Variants in STX8 observed in about 807,000 individuals in gnomAD.
The protein encoded by STX8 is syntaxin-8.
STX8 carries 23 observed loss-of-function variants against 37.5 expected under a neutral mutation model. The observed-to-expected ratio is 0.61, with a 90% confidence interval of 0.44 to 0.87. STX8 has a LOEUF of 0.87. Among genes scored for constraint, STX8 ranks in the 40% least tolerant of loss-of-function variants. The pLI, the probability that STX8 is intolerant of heterozygous loss-of-function variation, is 0.00. For synonymous variants in STX8, 115 were observed against 99.1 expected (o/e 1.16, Z -0.95); for missense variants, 313 against 284.7 (o/e 1.10, Z -0.71).
chr17:9,278,865 A>G (rs1005181547), intron 7 of STX8, among the ~76,000 whole-genome samples: 7 of 152,156 alleles, frequency 4.6e-5, no homozygotes, highest in Non-Finnish European at 4.4e-5. Flanking sequence ...CTAAAGGGGC[A>G]CTGGAAGGGA....
At chr17:9,559,345 A>G (rs534803973) in intron 2 of STX8, among the ~76,000 whole-genome samples, 1 of 152,286 alleles carries the variant, frequency 6.6e-6, no homozygotes, top group South Asian at 2.1e-4. Context: ...AATATTAGCA[A>G]AGCAAATTCA....
chr17:9,496,926 G>A (rs1374873722), intron 5 of STX8, among the ~76,000 whole-genome samples: 1 of 152,150 alleles, frequency 6.6e-6, no homozygotes, highest in African/African-American at 2.4e-5. Flanking sequence ...GAGCCCTGTG[G>A]GACCTGCATT....
intron 7 of STX8, among the ~76,000 whole-genome samples, chr17:9,258,709 C>T (rs975603452): frequency 4.6e-5 from 7 of 152,216 alleles, no homozygotes; most frequent in African/African-American, 1.7e-4. Context: ...TTGTTCTTAG[C>T]CTGGCATCCA....
intron 6 of STX8, among the ~76,000 whole-genome samples, chr17:9,456,361 G>C (rs2142411046): frequency 6.6e-6 from 1 of 152,266 alleles, no homozygotes; most frequent in Non-Finnish European, 1.5e-5. Context: ...TGAAGAAAAG[G>C]CATGGAAACC....
chr17:9,265,717 CAGGCACTGTTCT>C (rs1466481760), intron 7 of STX8, among the ~76,000 whole-genome samples: 1 of 152,192 alleles, frequency 6.6e-6, no homozygotes, highest in East Asian at 1.9e-4. Flanking sequence ...GAGCACCTGC[CAGGCACTGTTCT>C]AGGCACTGGG....
At chr17:9,466,660 C>T (rs966854836) in intron 6 of STX8, among the ~76,000 whole-genome samples, 1 of 152,100 alleles carries the variant, frequency 6.6e-6, no homozygotes, top group East Asian at 1.9e-4. Flanking sequence ...AATTCATTTC[C>T]AATATCAAAA....
chr17:9,373,004 T>C (rs991281053), intron 7 of STX8, among the ~76,000 whole-genome samples: 1 of 150,194 alleles, frequency 6.7e-6, no homozygotes, highest in Non-Finnish European at 1.5e-5. Context: ...CTCAGGAGGC[T>C]GAGGCAGGAG....
At chr17:9,371,469 T>C (rs1180889449) in intron 7 of STX8, among the ~76,000 whole-genome samples, 1 of 152,200 alleles carries the variant, frequency 6.6e-6, no homozygotes, top group Non-Finnish European at 1.5e-5. Flanking sequence ...AAACAGCCAA[T>C]GTGGCTTTGC....
intron 7 of STX8, among the ~76,000 whole-genome samples, chr17:9,285,840 T>G (rs1404279673): frequency 6.6e-6 from 1 of 152,224 alleles, no homozygotes; most frequent in African/African-American, 2.4e-5. Context: ...GCTAAGGCAC[T>G]TGTGCTTAGA....
rs34911369 is a variant in STX8, at chr17:9,493,097, CAA to C, written c.449-1178_449-1177del. 3.1e-3 allele frequency among the ~76,000 whole-genome samples: 349 copies of C among 110,988 alleles called. 1 individual carries two copies. The highest frequency in any genetic ancestry group is 9.8e-3 in the African/African-American group (307 of 31,300). 72.8% of individuals were successfully genotyped at this position (110,988 alleles called of 152,430 possible). On this transcript the variant is annotated intron_variant, in intron 5 of 7. Transcript: ENST00000306357. ...TGGGTGACAGAGTGAGACTCCGTCT[CAA>C]AAAAAAAAAAAAAATTAGCTAGGCA...
At chr17:9,523,891 A>T (rs770375992) in intron 4 of STX8, among the ~76,000 whole-genome samples, 9 of 152,242 alleles carry the variant, frequency 5.9e-5, no homozygotes, top group African/African-American at 2.2e-4. Context: ...AAGGCCATTT[A>T]AGAGTGTCAA....
At chr17:9,359,857 A>T (rs1242839798) in intron 7 of STX8, among the ~76,000 whole-genome samples, 1 of 151,902 alleles carries the variant, frequency 6.6e-6, no homozygotes, top group Non-Finnish European at 1.5e-5. Flanking sequence ...CAGGGAAGGG[A>T]TCAAAGGTGA....
intron 6 of STX8, among the ~76,000 whole-genome samples, chr17:9,425,487 G>T (rs539818295): frequency 1.3e-5 from 2 of 152,202 alleles, no homozygotes; most frequent in East Asian, 3.9e-4. Context: ...CAAGGTGGGG[G>T]CACTCCACTT....
intron 6 of STX8, among the ~76,000 whole-genome samples, chr17:9,438,370 C>T (rs1271457322): frequency 6.6e-6 from 1 of 151,048 alleles, no homozygotes; most frequent in Non-Finnish European, 1.5e-5. Flanking sequence ...CAAGGACCAG[C>T]AACTCTGGCA....
At chr17:9,291,503 C>T (rs537706345) in intron 7 of STX8, among the ~76,000 whole-genome samples, 2 of 150,244 alleles carry the variant, frequency 1.3e-5, no homozygotes, top group South Asian at 4.2e-4. Context: ...CATTGTGGTA[C>T]ACATCATATT....
chr17:9,515,647 T>C (rs1020503558), intron 4 of STX8, among the ~76,000 whole-genome samples: 1 of 152,112 alleles, frequency 6.6e-6, no homozygotes, highest in Non-Finnish European at 1.5e-5. Context: ...CTCAGCCTCC[T>C]GAGTAGCTGG....
chr17:9,562,909 T>G (rs551718149), intron 2 of STX8, among the ~76,000 whole-genome samples: 47 of 152,118 alleles, frequency 3.1e-4, no homozygotes, highest in African/African-American at 1.0e-3. Context: ...AAGACACCTA[T>G]GCACATAATT....
At chr17:9,409,410 A>C (rs564454392) in intron 6 of STX8, among the ~76,000 whole-genome samples, 4 of 152,266 alleles carry the variant, frequency 2.6e-5, no homozygotes, top group African/African-American at 9.6e-5. Flanking sequence ...ATGTCTTAGG[A>C]GCTTGATTTT....
At chr17:9,573,080 A>ACCCCCCCCCCCCCCCCCCCAACCC (rs71135994) in intron 1 of STX8, among the ~76,000 whole-genome samples, 1 of 101,578 alleles carries the variant, frequency 9.8e-6, no homozygotes, top group African/African-American at 3.8e-5. Context: ...CACCCCCAAC[A>ACCCCCCCCCCCCCCCCCCCAACCC]CCCCCCCCCA....
Sources: gnomAD v4.1 joint callset for allele counts (sites outside exome capture counted in the v4.1 genomes callset) on GRCh38, gnomAD v4.1.1 for gene constraint, MANE v1.5 for transcripts, NCBI Gene and HGNC (gene_info 2026-07-23, HGNC 2026-07-21) for gene names.